The following CROCC variants were observed in gnomAD, a reference collection of about 807,000 sequenced individuals.
CROCC encodes the protein ciliary rootlet coiled-coil, rootletin, also known as rootletin.
CROCC carries 180 observed loss-of-function variants against 245.2 expected under a neutral mutation model. The ratio of observed to expected loss-of-function variants is 0.73; its 90% CI spans 0.65 to 0.83. CROCC has a LOEUF of 0.83. Among genes scored for constraint, CROCC ranks in the 40% least tolerant of loss-of-function variants. The pLI is 0.00. For synonymous variants in CROCC, 1,205 were observed against 1,241.6 expected (o/e 0.97, Z 0.62); for missense variants, 2,688 against 2,779.4 (o/e 0.97, Z 0.74).
In CROCC at chr1:16,936,861, A is replaced by T. The variant is rs755996417; in HGVS notation, c.1181A>T (p.Asp394Val). The part of the protein sequence containing the change: ...QQMQSDLDKA[D>V]LSARVTELGL... ...ATGCAAAGCGACCTGGACAAGGCTG[A>T]CCTCAGTGCCAGGTGGGTACCTGGT... Residue 394 changes from aspartate (D) to valine (V), a missense_variant, in exon 9 of 37, where the codon GAC (aspartate) becomes GTC (valine). By Grantham distance (152) the Asp-to-Val change is radical. This residue lies in a region of CROCC where 972 missense variants were observed against 895.3 expected (regional missense o/e 1.09). Coordinates refer to ENST00000375541, the MANE Select transcript of CROCC (RefSeq NM_014675.5). 6.2e-7 allele frequency: 1 copy of T among 1,610,272 alleles called. No individual in the cohort carries two copies. Among genetic ancestry groups the T allele is most frequent in the Admixed American group, 1.7e-5 (1 of 59,884 alleles).
intron 25 of CROCC, 123 bp from the exon 26 acceptor site, chr1:16,958,460 G>A (rs2076280872): frequency 8.2e-7 from 1 of 1,214,680 alleles, no homozygotes; most frequent in Non-Finnish European, 1.1e-6. Flanking sequence ...CCGGCTCCCA[G>A]TGGATGTGGG....
intron 32 of CROCC, among the ~76,000 whole-genome samples, 192 bp downstream of exon 32, chr1:16,969,532 G>A (rs374314732): frequency 3.9e-5 from 6 of 152,200 alleles, no homozygotes; most frequent in Admixed American, 1.3e-4. Context: ...GGTATGTCCC[G>A]TAAGAAGACA....
At chr1:16,957,749 C>T (rs940564013) in intron 25 of CROCC, among the ~76,000 whole-genome samples, 2 of 152,100 alleles carry the variant, frequency 1.3e-5, no homozygotes, top group Admixed American at 6.6e-5. Context: ...CTGGCCCCCC[C>T]AAATTTTTTT....
intron 20 of CROCC, 73 bp downstream of exon 20, chr1:16,951,195 C>T: frequency 7.6e-7 from 1 of 1,308,368 alleles, no homozygotes; most frequent in Non-Finnish European, 1.0e-6. Context: ...CTGCCTCGGT[C>T]TCTACATCTG....
intron 14 of CROCC, among the ~76,000 whole-genome samples, chr1:16,944,760 A>G (rs2076009153): frequency 1.3e-5 from 2 of 152,264 alleles, no homozygotes; most frequent in African/African-American, 4.8e-5. Context: ...CAGAAGAGCC[A>G]GGATTTGAAC....
upstream of CROCC, among the ~76,000 whole-genome samples, chr1:16,919,316 A>T (rs921690386): frequency 1.3e-5 from 2 of 152,276 alleles, no homozygotes; most frequent in African/African-American, 4.8e-5. Context: ...TGGGCTCACC[A>T]CTTCCCTGAA....
Position 16,972,495 on chromosome 1 carries a change from A to G in CROCC, c.*49A>G. ...ACCCCTGTGCCTGGGACAGGGGAGG[A>G]CCCTTCTTTTGGACAGCCCCCCCAC... On this transcript the variant is annotated 3_prime_UTR_variant, in exon 37 of 37. Coordinates refer to ENST00000375541, the MANE Select transcript of CROCC (RefSeq NM_014675.5). 8 of 1,353,802 alleles carry G rather than the reference A, an allele frequency of 5.9e-6. No individual in the cohort carries two copies. The Admixed American group carries it at 7.2e-5, about 12-fold the overall frequency. The allele number at this position is 1,353,802 out of a possible 1,614,324, so 83.9% of individuals were successfully genotyped here.
chr1:16,920,070 A>C (rs2075371069), upstream of CROCC, among the ~76,000 whole-genome samples: 1 of 130,606 alleles, frequency 7.7e-6, no homozygotes, highest in South Asian at 2.7e-4. Context: ...TTTTTTTTAT[A>C]TTTATTTATT....
intron 33 of CROCC, 48 bp from the exon 34 acceptor site, chr1:16,970,205 T>G (rs1395087102): frequency 6.8e-7 from 1 of 1,479,490 alleles, no homozygotes; most frequent in Non-Finnish European, 9.1e-7. Context: ...TTCAGATAAG[T>G]ATGCTCAGGC....
At position 16,946,888 on chromosome 1, in the gene CROCC, T is replaced by C. The variant is rs1421189124; in HGVS notation, c.2411T>C (p.Leu804Pro). 3 of 1,563,780 alleles carry C rather than the reference T, an allele frequency of 1.9e-6. No individual in the cohort carries two copies. The highest frequency in any genetic ancestry group is 2.6e-6 in the Non-Finnish European group (3 of 1,154,434). Residue 804 changes from leucine to proline, a missense_variant, in exon 17 of 37, where the codon CTG becomes CCG. Transcript: ENST00000375541. ...RLEQEVARQG[L>P]EGSLRVAEQA... The stretch of plus-strand genomic sequence containing the variant: ...GAGCAGGAGGTGGCGCGGCAGGGCC[T>C]GGAGGGCTCCCTACGAGTGGCGGAG...
chr1:16,954,481 T>G lies in CROCC; in HGVS notation c.3321+124T>G, dbSNP rs530124280. On this transcript the variant is annotated intron_variant, in intron 22 of 36. Coordinates refer to ENST00000375541, the MANE Select transcript of CROCC (RefSeq NM_014675.5). The surrounding 1 kb of genome is among the most constrained non-coding windows in gnomAD (Gnocchi z 4.4). Reference sequence around the variant, plus strand: ...GCTTCCAGGCTGTGGGAAAGGAGGTTTAGCCCTTCTTTTGGGAGCCCCCAT... The same window carrying G: ...GCTTCCAGGCTGTGGGAAAGGAGGTGTAGCCCTTCTTTTGGGAGCCCCCAT... The G allele has an allele frequency of 2.9e-6, 4 of 1,361,234 alleles. No individual in the cohort carries two copies. In the African/African-American group the frequency reaches 5.9e-5, roughly 20 times the overall value. 84.3% of individuals were successfully genotyped at this position (1,361,234 alleles called of 1,614,324 possible).
At position 16,970,754 on chromosome 1, in the gene CROCC, TC is replaced by T; in HGVS notation, c.5773del (p.Gln1925SerfsTer69). On this transcript the variant is annotated frameshift_variant, in exon 35 of 37. Coordinates refer to ENST00000375541, the MANE Select transcript of CROCC (RefSeq NM_014675.5). LOFTEE classifies it high-confidence loss of function. ...ELELAEAQRQ[I>X]QQLEAQVVVL... Reference sequence around the variant, plus strand: ...GAGCTGGCAGAGGCGCAGAGGCAGATCCAGCAGCTGGAGGTCTGACCCCACC... The same window carrying T: ...GAGCTGGCAGAGGCGCAGAGGCAGATCAGCAGCTGGAGGTCTGACCCCACC... The T allele has an allele frequency of 6.3e-7, 1 of 1,591,716 alleles. No homozygotes were observed. The highest frequency in any genetic ancestry group is 8.5e-7 in the Non-Finnish European group (1 of 1,171,248).
rs759430090 is a variant in CROCC at position 16,969,800 on chromosome 1, G to A, written c.5317G>A (p.Ala1773Thr). Reference protein sequence around the residue: ...RQVLQERLDAARQALSEARKQ... With the variant: ...RQVLQERLDATRQALSEARKQ... ...TGTCCCCCAGGAACGGCTGGATGCC[G>A]CCCGGCAGGCATTATCTGAGGCACG... is the stretch of plus-strand genomic sequence containing the variant. Residue 1773 changes from alanine to threonine, a missense_variant, in exon 33 of 37, where the codon GCC (alanine) becomes ACC (threonine). Ala to Thr is a moderately conservative substitution (Grantham distance 58). This residue lies in a region of CROCC where 1,218 missense variants were observed against 1,286.3 expected (regional missense o/e 0.95). Transcript: ENST00000375541. The A allele has an allele frequency of 1.4e-5, 22 of 1,612,602 alleles. No individual in the cohort carries two copies. Among genetic ancestry groups the A allele is most frequent in the South Asian group, 2.2e-5 (2 of 90,972 alleles).
chr1:16,956,474 T>C (rs1450586548), intron 25 of CROCC, among the ~76,000 whole-genome samples: 1 of 152,156 alleles, frequency 6.6e-6, no homozygotes. Context: ...AGGTCAGAGG[T>C]TGGCAAATGG....
chr1:16,948,400 G>A lies in CROCC; in HGVS notation c.2584G>A (p.Glu862Lys), dbSNP rs755438021. The part of the protein sequence containing the change: ...QARREAQRQV[E>K]ALERAAREKE... ...CCGGCGGGAGGCCCAGCGGCAAGTGGAGGCGCTGGAGCGAGCGGCCCGTGA... is the reference window on the plus strand; with the variant it reads ...CCGGCGGGAGGCCCAGCGGCAAGTGAAGGCGCTGGAGCGAGCGGCCCGTGA... Residue 862 changes from glutamate to lysine, a missense_variant, in exon 18 of 37, where the codon GAG becomes AAG. This residue lies in a region of CROCC where 295 missense variants were observed against 241.7 expected (regional missense o/e 1.22). Coordinates refer to ENST00000375541, the MANE Select transcript of CROCC (RefSeq NM_014675.5). 6.3e-7 allele frequency: 1 copy of A among 1,576,500 alleles called. No individual in the cohort carries two copies. The highest frequency in any genetic ancestry group is 1.8e-5 in the Admixed American group (1 of 55,058).
chr1:16,914,345 C>G (rs2075281933), intron 1 of CROCC, among the ~76,000 whole-genome samples: 1 of 152,208 alleles, frequency 6.6e-6, no homozygotes, highest in African/African-American at 2.4e-5. Context: ...GCCCATCCTG[C>G]CCGGATTGTC....
At chr1:16,949,110 C>A (rs1334912656) in intron 19 of CROCC, among the ~76,000 whole-genome samples, 184 bp downstream of exon 19, 1 of 152,290 alleles carries the variant, frequency 6.6e-6, no homozygotes, top group Non-Finnish European at 1.5e-5. Context: ...CTCTGGGCTG[C>A]AGATTCCTCA....
At chr1:16,947,953 C>G (rs1254395926) in intron 17 of CROCC, among the ~76,000 whole-genome samples, 1 of 152,272 alleles carries the variant, frequency 6.6e-6, no homozygotes, top group East Asian at 1.9e-4. Flanking sequence ...GTTCGCCTGC[C>G]TCAGCGTCCC....
intron 36 of CROCC, 95 bp from the exon 37 acceptor site, chr1:16,972,265 C>G: frequency 4.2e-6 from 4 of 944,640 alleles, no homozygotes; most frequent in Non-Finnish European, 7.0e-6. Context: ...TTTCCTGAAA[C>G]TGTGGCACTG....
Sources: gnomAD v4.1 joint callset for allele counts (sites outside exome capture counted in the v4.1 genomes callset) on GRCh38, gnomAD v4.1.1 for gene constraint, gnomAD v4.1.1 regional missense constraint, Gnocchi (gnomAD v3.1) non-coding constraint, MANE v1.5 for transcripts, NCBI Gene and HGNC (gene_info 2026-07-23, HGNC 2026-07-21) for gene names.